The following OR51B5 variants were observed in gnomAD, a reference collection of about 807,000 sequenced individuals.
The protein encoded by OR51B5 is olfactory receptor family 51 subfamily B member 5.
For synonymous variants in OR51B5, 186 were observed against 144.8 expected, an observed-to-expected ratio of 1.28 and a Z score of -2.04; for missense variants, 456 against 374.6, an observed-to-expected ratio of 1.22 and a Z score of -1.79.
chr11:5,390,547 T>A, intron 1 of OR51B5: 1 of 602,588 alleles, frequency 1.7e-6, no homozygotes, highest in Non-Finnish European at 2.8e-6. Context: ...ACTGAACTTC[T>A]CTTGCTTAGA....
At chr11:5,420,029 ATATT>A (rs35171034) in intron 1 of OR51B5, among the ~76,000 whole-genome samples, 123,292 of 150,662 alleles carry the variant, frequency 0.82, 51,201 homozygotes, top group Non-Finnish European at 0.89. Context: ...CAAATGTTGC[ATATT>A]TATTTTAGTT....
At chr11:5,495,577 C>G (rs1037285437) in intron 1 of OR51B5, among the ~76,000 whole-genome samples, 1 of 152,104 alleles carries the variant, frequency 6.6e-6, no homozygotes, top group East Asian at 1.9e-4. Context: ...AACTAAAAAT[C>G]TGTAGTAGAT....
intron 1 of OR51B5, among the ~76,000 whole-genome samples, chr11:5,425,697 A>C (rs1850438349): frequency 6.6e-6 from 1 of 152,198 alleles, no homozygotes; most frequent in Non-Finnish European, 1.5e-5. Context: ...AAATGTGTTT[A>C]TTATAAAATA....
chr11:5,412,866 C>G (rs1850171599), intron 1 of OR51B5, among the ~76,000 whole-genome samples: 1 of 151,910 alleles, frequency 6.6e-6, no homozygotes, highest in Non-Finnish European at 1.5e-5. Flanking sequence ...GGGGGCAGGG[C>G]ACAGACAAAC....
At chr11:5,426,814 A>C (rs1027323843) in intron 1 of OR51B5, among the ~76,000 whole-genome samples, 45 of 152,298 alleles carry the variant, frequency 3.0e-4, no homozygotes, top group Admixed American at 1.3e-4. Flanking sequence ...CTCCAGAAAA[A>C]AATGCAATTA....
At chr11:5,389,651 C>A in intron 1 of OR51B5, 1 of 1,613,638 alleles carries the variant, frequency 6.2e-7, no homozygotes, top group Non-Finnish European at 8.5e-7. Flanking sequence ...TGACCTGGGG[C>A]TGTGTGTGTC....
Position 5,377,764 on chromosome 11 carries a change from G to T in OR51B5, n.85-30854C>A, listed in dbSNP as rs868423281. The stretch of plus-strand genomic sequence containing the variant: ...GAATCCAACTTACAAGGGATGTGAA[G>T]GACCTCTTCAAGGAGAACTACAAAC... On this transcript the variant is annotated intron_variant and non_coding_transcript_variant, in intron 1 of 4. Coordinates refer to the OR51B5 transcript ENST00000415970. 2.9e-3 allele frequency among the ~76,000 whole-genome samples: 429 copies of T among 145,602 alleles called. 2 individuals are homozygous for T. Among genetic ancestry groups the T allele is most frequent in the African/African-American group, 9.8e-3 (384 of 39,126 alleles).
In OR51B5 at chr11:5,491,366, T is replaced by C. The variant is rs1851578812; in HGVS notation, n.84+14203A>G. 2.0e-5 allele frequency among the ~76,000 whole-genome samples: 3 copies of C among 152,208 alleles called. No individual in the cohort carries two copies. In the South Asian group the frequency reaches 6.2e-4, roughly 32 times the overall value. On this transcript the variant is annotated intron_variant and non_coding_transcript_variant, in intron 1 of 4. Coordinates refer to the OR51B5 transcript ENST00000415970. ...ACAGGGTAAGTGTCAGCTGTGGCCA[T>C]GGAGAGCTCCTAGTTCAGTTGTGGA...
intron 1 of OR51B5, among the ~76,000 whole-genome samples, chr11:5,404,778 G>A (rs1159866962): frequency 1.3e-5 from 2 of 152,174 alleles, no homozygotes; most frequent in African/African-American, 2.4e-5. Flanking sequence ...GCGAGACCAC[G>A]AATCCACCAG....
At chr11:5,451,714 C>T (rs1850852331) in intron 1 of OR51B5, among the ~76,000 whole-genome samples, 1 of 152,128 alleles carries the variant, frequency 6.6e-6, no homozygotes, top group Admixed American at 6.5e-5. Context: ...TCCTTCATTC[C>T]CATCAGAAAG....
At chr11:5,355,576 T>A (rs1849179849) in intron 1 of OR51B5, 1 of 152,372 alleles carries the variant, frequency 6.6e-6, no homozygotes, top group Non-Finnish European at 1.5e-5. Context: ...ACTCTTGCAG[T>A]CCTGTATCTG....
At chr11:5,478,922 G>C (rs1832554764) in intron 1 of OR51B5, among the ~76,000 whole-genome samples, 3 of 151,178 alleles carry the variant, frequency 2.0e-5, no homozygotes, top group South Asian at 2.1e-4. Context: ...ATGGAACCAA[G>C]TTGGAAAACA....
chr11:5,467,675 C>A (rs139768360), intron 1 of OR51B5, among the ~76,000 whole-genome samples: 1 of 152,308 alleles, frequency 6.6e-6, no homozygotes, highest in African/African-American at 2.4e-5. Context: ...TGCTGACAGC[C>A]TTCAGCTATC....
chr11:5,407,586 T>C (rs1425427281), intron 1 of OR51B5, among the ~76,000 whole-genome samples: 2 of 152,162 alleles, frequency 1.3e-5, no homozygotes, highest in Non-Finnish European at 2.9e-5. Flanking sequence ...AGTTAATAGT[T>C]GTATTAATAC....
At chr11:5,450,619 C>A (rs993652620) in intron 1 of OR51B5, among the ~76,000 whole-genome samples, 1 of 152,208 alleles carries the variant, frequency 6.6e-6, no homozygotes, top group South Asian at 2.1e-4. Context: ...GAGACAGGTA[C>A]TTTTGTGTAA....
chr11:5,372,513 G>C (rs1849462435), intron 1 of OR51B5, among the ~76,000 whole-genome samples: 1 of 152,092 alleles, frequency 6.6e-6, no homozygotes, highest in East Asian at 1.9e-4. Flanking sequence ...CTGATGATTG[G>C]TGATGTAGTG....
intron 1 of OR51B5, among the ~76,000 whole-genome samples, chr11:5,367,574 T>G (rs1409634953): frequency 2.6e-5 from 4 of 152,092 alleles, no homozygotes; most frequent in Non-Finnish European, 5.9e-5. Context: ...CAATCTTGGT[T>G]TGGTGGGTTT....
chr11:5,471,506 C>T (rs1015904525), intron 1 of OR51B5, among the ~76,000 whole-genome samples: 4 of 151,998 alleles, frequency 2.6e-5, no homozygotes, highest in South Asian at 2.1e-4. Flanking sequence ...CGTGGTCACA[C>T]ATGACTGTAA....
chr11:5,387,359 G>A (rs1391698075), intron 1 of OR51B5, among the ~76,000 whole-genome samples: 1 of 152,154 alleles, frequency 6.6e-6, no homozygotes, highest in Non-Finnish European at 1.5e-5. Context: ...AATTTAAGGA[G>A]CATTGCTTTA....
Sources: allele counts gnomAD v4.1 joint callset (sites outside exome capture counted in the v4.1 genomes callset), GRCh38; gene constraint gnomAD v4.1.1; transcripts MANE v1.5; gene names NCBI Gene and HGNC (gene_info 2026-07-23, HGNC 2026-07-21).